The following PNO1 variants were observed in gnomAD, a reference collection of about 807,000 sequenced individuals.
The protein encoded by PNO1 is RNA-binding protein PNO1.
PNO1 carries 16 observed loss-of-function variants against 28.4 expected under a neutral mutation model. The ratio of observed to expected loss-of-function variants is 0.56; its 90% CI spans 0.38 to 0.85. The LOEUF is 0.85. Ranked by LOEUF, PNO1 falls within the 40% of genes least tolerant of loss-of-function variation. The pLI, the probability that PNO1 is intolerant of heterozygous loss-of-function variation, is 0.00. For synonymous variants in PNO1, 115 were observed against 110.8 expected, an observed-to-expected ratio of 1.04 and a Z score of -0.24; for missense variants, 304 against 312.2, an observed-to-expected ratio of 0.97 and a Z score of 0.20.
At chr2:68,159,948 C>CA (rs1673786866) in intron 2 of PNO1, among the ~76,000 whole-genome samples, 1 of 143,040 alleles carries the variant, frequency 7.0e-6, no homozygotes, top group Non-Finnish European at 1.5e-5. Flanking sequence ...CTGGCATCTT[C>CA]AAAAAACAAA....
intron 2 of PNO1, chr2:68,161,120 G>T (rs1322140239): frequency 2.2e-6 from 1 of 454,592 alleles, no homozygotes; most frequent in African/African-American, 2.0e-5. Context: ...ATTTACAGTG[G>T]TAGGCTTTTT....
Position 68,162,298 on chromosome 2 carries a change from T to C in PNO1, c.475T>C (p.Phe159Leu), listed in dbSNP as rs1400544264. 1.2e-6 allele frequency: 2 copies of C among 1,613,240 alleles called. No homozygotes were observed. The highest frequency in any genetic ancestry group is 1.7e-6 in the Non-Finnish European group (2 of 1,179,372). ...ALALIRLDDL[F>L]LESFEITDVK... ...TGCCCTCATCAGGTTGGATGACCTC[T>C]TCCTAGAGTCTTTTGAAATTACAGA... The change falls in exon 4 of 7, where the codon TTC becomes CTC. Residue 159 changes from phenylalanine (F) to leucine (L), a missense_variant. Coordinates refer to ENST00000263657, the MANE Select transcript of PNO1 (RefSeq NM_020143.4).
In PNO1 at chr2:68,157,911, G is replaced by T. The variant is rs762366736; in HGVS notation, c.-24G>T. 1 of 1,606,848 alleles carries T rather than the reference G, an allele frequency of 6.2e-7. No individual in the cohort carries two copies. The highest frequency in any genetic ancestry group is 8.5e-7 in the Non-Finnish European group (1 of 1,174,142). ...GTGCAGCTGCGCACGTGTTTCAGCCGGCAGCGCTTTAAGATTTCCGGGGAT... is the reference window on the plus strand; with the variant it reads ...GTGCAGCTGCGCACGTGTTTCAGCCTGCAGCGCTTTAAGATTTCCGGGGAT... On this transcript the variant is annotated 5_prime_UTR_variant, in exon 1 of 7. Transcript: ENST00000263657.
chr2:68,158,388 A>G lies in PNO1; in HGVS notation c.216A>G (p.Lys72=), dbSNP rs776691097. ...PLCGDGLLSG[K]EETRKIPVPA... ...TGTTCTTTTATTTACAGAGTGGGAA[A>G]GAAGAAACAAGGAAAATTCCAGTCC... Residue 72 remains lysine, a synonymous_variant, in exon 2 of 7, where the codon AAA becomes AAG. Coordinates refer to ENST00000263657, the MANE Select transcript of PNO1 (RefSeq NM_020143.4). 5 of 1,610,352 alleles carry G rather than the reference A, an allele frequency of 3.1e-6. No individual in the cohort carries two copies. Among genetic ancestry groups the G allele is most frequent in the Non-Finnish European group, 4.2e-6 (5 of 1,178,730 alleles).
rs1673723121 is a variant in PNO1, at chr2:68,158,209, G to A, written c.207+68G>A. The A allele has an allele frequency of 2.7e-6, 4 of 1,482,254 alleles. No individual in the cohort carries two copies. In the East Asian group the frequency reaches 9.1e-5, roughly 34 times the overall value. The allele number at this position is 1,482,254 out of a possible 1,614,324, so 91.8% of individuals were successfully genotyped here. On this transcript the variant is annotated intron_variant, in intron 1 of 6. Transcript: ENST00000263657. ...GACGCGGATCAAGCCGATGGCCTCT[G>A]GAGAATGTTGAAGCTGCGGTGGGGC...
chr2:68,158,641 C>T (rs1558617151), intron 2 of PNO1, 112 bp downstream of exon 2: 1 of 972,796 alleles, frequency 1.0e-6, no homozygotes, highest in Non-Finnish European at 1.5e-6. Context: ...GGTTTTTGTC[C>T]AGTTTAAAAA....
chr2:68,162,329 A>G lies in PNO1; in HGVS notation c.502+4A>G. On this transcript the variant is annotated splice_donor_region_variant and intron_variant, in intron 4 of 6. Coordinates refer to ENST00000263657, the MANE Select transcript of PNO1 (RefSeq NM_020143.4). ...GAGTCTTTTGAAATTACAGATGGTGAGTGTGTGTTGGTCTGCGCTCTTGTG... is the reference window on the plus strand; with the variant it reads ...GAGTCTTTTGAAATTACAGATGGTGGGTGTGTGTTGGTCTGCGCTCTTGTG... 2 of 1,602,544 alleles carry G rather than the reference A, an allele frequency of 1.2e-6. No individual in the cohort carries two copies. Among genetic ancestry groups the G allele is most frequent in the South Asian group, 1.1e-5 (1 of 90,048 alleles).
chr2:68,173,431 C>G lies in PNO1; in HGVS notation c.691+14C>G, dbSNP rs747497757. On this transcript the variant is annotated intron_variant, in intron 6 of 6. Transcript: ENST00000263657. ...ACCTAATCTTGGGTAATAGCAGTTT[C>G]TTTCTTTGGTGTTTTCTCTGGGAGG... The G allele has an allele frequency of 6.5e-7, 1 of 1,530,428 alleles. No homozygotes were observed. The highest frequency in any genetic ancestry group is 2.3e-5 in the East Asian group (1 of 44,400). The allele number at this position is 1,530,428 out of a possible 1,614,324, so 94.8% of individuals were successfully genotyped here.
In PNO1 at chr2:68,176,122, C is replaced by A. The variant is rs1160372382; in HGVS notation, c.*1320C>A. ...TGATGAAAGAATGCTTTTTTCCCAC[C>A]CAAAAAACTATGCTCTATAAATGCA... On this transcript the variant is annotated 3_prime_UTR_variant, in exon 7 of 7. Coordinates refer to ENST00000263657, the MANE Select transcript of PNO1 (RefSeq NM_020143.4). 6.6e-6 allele frequency: 1 copy of A among 151,882 alleles called. No individual in the cohort carries two copies. Among genetic ancestry groups the A allele is most frequent in the Non-Finnish European group, 1.5e-5 (1 of 67,958 alleles). 9.4% of individuals were successfully genotyped at this position (151,882 alleles called of 1,614,324 possible).
chr2:68,176,194 C>CA lies in PNO1; in HGVS notation c.*1396dup, dbSNP rs1674279183. The CA allele has an allele frequency of 1.3e-5, 2 of 152,270 alleles. No individual in the cohort carries two copies. The highest frequency in any genetic ancestry group is 4.8e-5 in the African/African-American group (2 of 41,564). The allele number at this position is 152,270 out of a possible 1,614,324, so 9.4% of individuals were successfully genotyped here. A position where few individuals can be genotyped will look rare whatever the true frequency, so the allele number is the denominator to read the frequency against. On this transcript the variant is annotated 3_prime_UTR_variant, in exon 7 of 7. Coordinates refer to ENST00000263657, the MANE Select transcript of PNO1 (RefSeq NM_020143.4). ...TTAAATGGTATTATTTTATACATTA[C>CA]AAAATGGAAGGAACTTACTTTATTA...
At chr2:68,174,698 GTTTA>G (rs761178412) in intron 6 of PNO1, 33 bp from the exon 7 acceptor site, 10 of 1,447,102 alleles carry the variant, frequency 6.9e-6, no homozygotes, top group East Asian at 2.3e-5. Flanking sequence ...ATAAATGTGA[GTTTA>G]TTTGTGTATA....
At position 68,159,964 on chromosome 2, in the gene PNO1, A is replaced by ATTT. The variant is rs1206527655; in HGVS notation, c.357+1455_357+1457dup. Among the ~76,000 whole-genome samples, 153 of 116,890 alleles carry ATTT rather than the reference A, an allele frequency of 1.3e-3. 1 individual carries two copies. Among genetic ancestry groups the ATTT allele is most frequent in the African/African-American group, 3.6e-3 (103 of 28,718 alleles). The allele number at this position is 116,890 out of a possible 152,430, so 76.7% of individuals were successfully genotyped here. On this transcript the variant is annotated intron_variant, in intron 2 of 6. Coordinates refer to ENST00000263657, the MANE Select transcript of PNO1 (RefSeq NM_020143.4). ...TGGCATCTTCAAAAAACAAAAAAAAATTTTTTTTTTTTTTTTTTTTTTGAG... is the reference window on the plus strand; with the variant it reads ...TGGCATCTTCAAAAAACAAAAAAAAATTTTTTTTTTTTTTTTTTTTTTTTTGAG...
At chr2:68,171,823 G>C (rs1437257917) in intron 5 of PNO1, among the ~76,000 whole-genome samples, 1 of 152,156 alleles carries the variant, frequency 6.6e-6, no homozygotes, top group African/African-American at 2.4e-5. Context: ...TGTGAGCAGA[G>C]GAAGGGAGGT....
At chr2:68,172,288 A>G (rs1674151290) in intron 5 of PNO1, among the ~76,000 whole-genome samples, 1 of 150,380 alleles carries the variant, frequency 6.6e-6, no homozygotes, top group Non-Finnish European at 1.5e-5. Flanking sequence ...AAGGGTTTTT[A>G]GGGAGGCAAG....
At chr2:68,163,480 G>A (rs904311142) in intron 5 of PNO1, among the ~76,000 whole-genome samples, 8 of 152,040 alleles carry the variant, frequency 5.3e-5, no homozygotes, top group African/African-American at 9.7e-5. Flanking sequence ...GCAGTGAGCC[G>A]AGATCATGCC....
At position 68,158,542 on chromosome 2, in the gene PNO1, T is replaced by A. The variant is rs2103661590; in HGVS notation, c.357+13T>A. On this transcript the variant is annotated intron_variant, in intron 2 of 6. Coordinates refer to ENST00000263657, the MANE Select transcript of PNO1 (RefSeq NM_020143.4). ...TGTAGAAATCAGGGTAAGGAAAATC[T>A]CAATCATTTCCCAATACACCAGGCT... The A allele has an allele frequency of 6.2e-7, 1 of 1,606,852 alleles. No individual in the cohort carries two copies. The highest frequency in any genetic ancestry group is 1.7e-5 in the Admixed American group (1 of 59,122).
rs1674274618 is a variant in PNO1, at chr2:68,176,063, C to T, written c.*1261C>T. ...AAAGTTGAAAAATAATAGTAAGAACCATCATAAGTCTGTTTCTTCTAGTAA... is the reference window on the plus strand; with the variant it reads ...AAAGTTGAAAAATAATAGTAAGAACTATCATAAGTCTGTTTCTTCTAGTAA... On this transcript the variant is annotated 3_prime_UTR_variant, in exon 7 of 7. Transcript: ENST00000263657. 6.6e-6 allele frequency: 1 copy of T among 152,086 alleles called. No individual in the cohort carries two copies. Among genetic ancestry groups the T allele is most frequent in the African/African-American group, 2.4e-5 (1 of 41,420 alleles). 9.4% of individuals were successfully genotyped at this position (152,086 alleles called of 1,614,324 possible).
rs767964148 is a variant in PNO1 at position 68,158,521 on chromosome 2, G to A, written c.349G>A (p.Glu117Lys). The A allele has an allele frequency of 6.2e-7, 1 of 1,612,454 alleles. No individual in the cohort carries two copies. Among genetic ancestry groups the A allele is most frequent in the East Asian group, 2.2e-5 (1 of 44,864 alleles). ...CTTTAACTTGAAATCAAGGAATGTA[G>A]AAATCAGGGTAAGGAAAATCTCAAT... Reference protein sequence around the residue: ...IRFNLKSRNVEIRTCKETKDV... With the variant: ...IRFNLKSRNVKIRTCKETKDV... Residue 117 changes from glutamate (E) to lysine (K), a missense_variant, in exon 2 of 7, where the codon GAA (glutamate) becomes AAA (lysine). By Grantham distance (56) the Glu-to-Lys change is moderately conservative (BLOSUM62 1). Transcript: ENST00000263657.
chr2:68,172,861 TTC>T (rs1674166255), intron 5 of PNO1, among the ~76,000 whole-genome samples: 4 of 152,212 alleles, frequency 2.6e-5, no homozygotes, highest in Admixed American at 1.3e-4. Flanking sequence ...TCACAAATTT[TTC>T]TTTTTCAAAC....
Sources: gnomAD v4.1 joint callset for allele counts (sites outside exome capture counted in the v4.1 genomes callset) on GRCh38, gnomAD v4.1.1 for gene constraint, MANE v1.5 for transcripts, NCBI Gene and HGNC (gene_info 2026-07-23, HGNC 2026-07-21) for gene names.